HSPG2: variants seen among roughly 807,000 people sequenced by gnomAD.
HSPG2 encodes heparan sulfate proteoglycan 2, also known as basement membrane-specific heparan sulfate proteoglycan core protein.
In HSPG2, 278 loss-of-function variants were observed where a neutral mutation model predicts 526.6. The ratio of observed to expected loss-of-function variants is 0.53; its 90% CI spans 0.48 to 0.58. HSPG2 has a LOEUF of 0.58. Among genes scored for constraint, HSPG2 ranks in the 20% least tolerant of loss-of-function variants. The pLI is 0.00. For missense variants in HSPG2, 5,354 were observed against 6,099.5 expected, an observed-to-expected ratio of 0.88 and a Z score of 4.07; for synonymous variants, 2,465 against 2,555.4, an observed-to-expected ratio of 0.96 and a Z score of 1.07.
chr1:21,825,508 C>T (rs1024129557), intron 91 of HSPG2, among the ~76,000 whole-genome samples: 2 of 152,098 alleles, frequency 1.3e-5, no homozygotes, highest in African/African-American at 4.8e-5. Flanking sequence ...AGTGACTGGC[C>T]CAGGATGTCC....
intron 1 of HSPG2, among the ~76,000 whole-genome samples, chr1:21,927,533 A>AC (rs57444906): frequency 2.6e-5 from 4 of 151,622 alleles, no homozygotes; most frequent in African/African-American, 9.7e-5. Flanking sequence ...GACATCCCCC[A>AC]CCCCCCCCAC....
intron 64 of HSPG2, 43 bp from the exon 65 acceptor site, chr1:21,844,342 G>T: frequency 6.3e-7 from 1 of 1,588,810 alleles, no homozygotes; most frequent in South Asian, 1.1e-5. Flanking sequence ...ATGCCACCCT[G>T]ATGCCCTCAG....
At chr1:21,840,393 C>A (rs576213570) in intron 71 of HSPG2, among the ~76,000 whole-genome samples, 2 of 152,306 alleles carry the variant, frequency 1.3e-5, no homozygotes, top group South Asian at 4.1e-4. Flanking sequence ...GAAAGCTCTA[C>A]CTCCCAGGTT....
At chr1:21,934,837 C>T (rs1368465618) in intron 1 of HSPG2, among the ~76,000 whole-genome samples, 2 of 152,050 alleles carry the variant, frequency 1.3e-5, no homozygotes, top group African/African-American at 2.4e-5. Context: ...CCTCATGATC[C>T]GCTCGCCTCG....
chr1:21,914,232 G>A (rs1643814188), intron 1 of HSPG2, among the ~76,000 whole-genome samples: 1 of 152,178 alleles, frequency 6.6e-6, no homozygotes, highest in Non-Finnish European at 1.5e-5. Flanking sequence ...TGAGAGTGCT[G>A]AAAAGGAAAT....
intron 1 of HSPG2, among the ~76,000 whole-genome samples, chr1:21,913,916 G>A (rs1643797569): frequency 6.6e-6 from 1 of 152,206 alleles, no homozygotes; most frequent in Admixed American, 6.5e-5. Context: ...CTCTGGGTAA[G>A]GCACTGCAGT....
chr1:21,828,098 T>C lies in HSPG2; in HGVS notation c.12464A>G (p.His4155Arg). 1 of 1,609,274 alleles carries C rather than the reference T, an allele frequency of 6.2e-7. No individual in the cohort carries two copies. Among genetic ancestry groups the C allele is most frequent in the East Asian group, 2.2e-5 (1 of 44,566 alleles). Residue 4155 changes from histidine (H) to arginine (R), a missense_variant, in exon 90 of 97, where the codon CAT becomes CGT. Transcript: ENST00000374695. This position sits in a 1 kb window ranked among gnomAD's most constrained non-coding sequence, Gnocchi z 6.0. The stretch of plus-strand genomic sequence containing the variant: ...GCGGGTGCCCTGGCAGGTGCCCCCA[T>C]GCAGACAGGGTTCACGGAGCTGGCA... ...NPCQLREPCL[H>R]GGTCQGTRCL... is the part of the protein sequence containing the mutation.
At chr1:21,914,607 A>G (rs936789896) in intron 1 of HSPG2, among the ~76,000 whole-genome samples, 2 of 152,156 alleles carry the variant, frequency 1.3e-5, no homozygotes, top group Non-Finnish European at 2.9e-5. Context: ...TCTGAGTCCA[A>G]GCTCTGATTC....
chr1:21,879,810 G>A (rs540310335), intron 17 of HSPG2, among the ~76,000 whole-genome samples: 237 of 152,254 alleles, frequency 1.6e-3, no homozygotes, highest in African/African-American at 5.4e-3. Context: ...ACGCCACCAC[G>A]CCTGGCTAAT....
At position 21,827,910 on chromosome 1, in the gene HSPG2, T is replaced by C. The variant is rs1267562208; in HGVS notation, c.12542A>G (p.His4181Arg). 6.2e-7 allele frequency: 1 copy of C among 1,601,570 alleles called. No individual in the cohort carries two copies. ...ATGCCAGTCGGACTCTGCTATGCCA[T>C]GTCCAGAGCCTATGGAGAAGGGCAG... is the stretch of plus-strand genomic sequence containing the variant. ...SGPRCQQGSG[H>R]GIAESDWHLE... Residue 4181 changes from histidine to arginine, a missense_variant, in exon 91 of 97, where the codon CAT becomes CGT. Coordinates refer to ENST00000374695, the MANE Select transcript of HSPG2 (RefSeq NM_005529.7).
rs1176029302 is a variant in HSPG2, at chr1:21,864,949, C to T, written c.4520G>A (p.Ser1507Asn). ...CTGGGCGACCTCCAGGCTGACTGCG[C>T]TGATGCTGGCCGCCAGCGGCACGGA... ...FSSVPLAASI[S>N]AVSLEVAQPG... is the part of the protein sequence containing the mutation. The change falls in exon 36 of 97, where the codon AGC becomes AAC. Residue 1507 changes from serine (S) to asparagine (N), a missense_variant. Coordinates refer to ENST00000374695, the MANE Select transcript of HSPG2 (RefSeq NM_005529.7). This position sits in a 1 kb window ranked among gnomAD's most constrained non-coding sequence, Gnocchi z 4.8. 6.2e-7 allele frequency: 1 copy of T among 1,605,108 alleles called. No individual in the cohort carries two copies. The highest frequency in any genetic ancestry group is 8.5e-7 in the Non-Finnish European group (1 of 1,177,408).
At position 21,833,542 on chromosome 1, in the gene HSPG2, C is replaced by T. The variant is rs764118295; in HGVS notation, c.10903G>A (p.Asp3635Asn). 1.2e-6 allele frequency: 2 copies of T among 1,613,968 alleles called. No homozygotes were observed. Among genetic ancestry groups the T allele is most frequent in the Admixed American group, 1.7e-5 (1 of 60,002 alleles). ...GCGGTGCAGACGTAGGTACCTGCGTCCTGGGGTCGGACTGAGGGCAGCATC... is the reference window on the plus strand; with the variant it reads ...GCGGTGCAGACGTAGGTACCTGCGTTCTGGGGTCGGACTGAGGGCAGCATC... The part of the protein sequence containing the change: ...MLMLPSVRPQ[D>N]AGTYVCTATN... Residue 3635 changes from aspartate (D) to asparagine (N), a missense_variant, in exon 79 of 97, where the codon GAC (aspartate) becomes AAC (asparagine). Coordinates refer to ENST00000374695, the MANE Select transcript of HSPG2 (RefSeq NM_005529.7).
chr1:21,895,611 A>C lies in HSPG2; in HGVS notation c.244+311T>G, dbSNP rs1158804762. On this transcript the variant is annotated intron_variant, in intron 3 of 96. Transcript: ENST00000374695. The surrounding 1 kb of genome is among the most constrained non-coding windows in gnomAD (Gnocchi z 4.1). ...GACTCAACAGCTGAGCTGCCCTGGG[A>C]GGTGAGAACTTTGCTTTGAATGTGA... 6.6e-6 allele frequency among the ~76,000 whole-genome samples: 1 copy of C among 152,122 alleles called. No homozygotes were observed. The highest frequency in any genetic ancestry group is 1.5e-5 in the Non-Finnish European group (1 of 68,018).
intron 91 of HSPG2, among the ~76,000 whole-genome samples, chr1:21,826,505 A>C (rs2152686317): frequency 6.6e-6 from 1 of 150,646 alleles, no homozygotes; most frequent in East Asian, 2.0e-4. Flanking sequence ...TACCCAGCTG[A>C]ATATAGTATT....
intron 33 of HSPG2, among the ~76,000 whole-genome samples, chr1:21,871,851 CTG>C (rs1432085374): frequency 6.6e-6 from 1 of 152,240 alleles, no homozygotes; most frequent in African/African-American, 2.4e-5. Context: ...GACACTGAAA[CTG>C]TGTCTCACTT....
intron 20 of HSPG2, 45 bp from the exon 21 acceptor site, chr1:21,878,298 A>G (rs1265323064): frequency 6.2e-7 from 1 of 1,604,476 alleles, no homozygotes; most frequent in East Asian, 2.2e-5. Context: ...GGAATGGGAT[A>G]TACGTGGTCC....
intron 37 of HSPG2, among the ~76,000 whole-genome samples, chr1:21,863,685 A>G (rs1246438080): frequency 6.7e-6 from 1 of 149,856 alleles, no homozygotes; most frequent in Non-Finnish European, 1.5e-5. Flanking sequence ...AGGCAGAACG[A>G]GACTGAGACC....
intron 1 of HSPG2, among the ~76,000 whole-genome samples, chr1:21,910,451 C>T (rs1643600856): frequency 6.6e-6 from 1 of 152,206 alleles, no homozygotes; most frequent in Non-Finnish European, 1.5e-5. Flanking sequence ...TGGGTCCTGG[C>T]TCAACTCTGC....
At chr1:21,903,557 G>A (rs948945085) in intron 1 of HSPG2, among the ~76,000 whole-genome samples, 5 of 152,056 alleles carry the variant, frequency 3.3e-5, no homozygotes, top group African/African-American at 4.8e-5. Flanking sequence ...CCAAGATTGC[G>A]CCACTGCACT....
Sources: gnomAD v4.1 joint callset for allele counts (sites outside exome capture counted in the v4.1 genomes callset) on GRCh38, gnomAD v4.1.1 for gene constraint, Gnocchi (gnomAD v3.1) non-coding constraint, MANE v1.5 for transcripts, NCBI Gene and HGNC (gene_info 2026-07-23, HGNC 2026-07-21) for gene names.